Variants in PDXDC1 observed in about 807,000 individuals in gnomAD.
The protein encoded by PDXDC1 is pyridoxal dependent decarboxylase domain containing 1.
PDXDC1 carries 42 observed loss-of-function variants against 100.1 expected under a neutral mutation model. The observed-to-expected ratio is 0.42, with a 90% CI of 0.33 to 0.54. The LOEUF (loss-of-function observed/expected upper bound fraction) is 0.54. Ranked by LOEUF, PDXDC1 falls within the 20% of genes least tolerant of loss-of-function variation. The pLI is 0.10. For missense variants in PDXDC1, 636 were observed against 979.2 expected (o/e 0.65, Z 4.68); for synonymous variants, 260 against 371.7 (o/e 0.70, Z 3.46).
intron 8 of PDXDC1, among the ~76,000 whole-genome samples, chr16:15,011,636 T>TC (rs1247892350): frequency 2.6e-4 from 29 of 112,750 alleles, no homozygotes; most frequent in East Asian, 5.0e-4. Context: ...TTTTTCTTTT[T>TC]TTTTTTTTTT....
intron 16 of PDXDC1, chr16:15,056,036 GC>G: frequency 1.3e-6 from 1 of 741,278 alleles, no homozygotes; most frequent in Non-Finnish European, 1.7e-6. Context: ...GCCCCGGGCC[GC>G]CCGCCGCCCC....
At chr16:14,980,542 G>A (rs1449318767) in intron 1 of PDXDC1, among the ~76,000 whole-genome samples, 2 of 152,276 alleles carry the variant, frequency 1.3e-5, no homozygotes, top group African/African-American at 4.8e-5. Context: ...CTGGAGTGCA[G>A]TGGCACAGTC....
At chr16:15,009,063 G>A (rs1291196399) in intron 7 of PDXDC1, among the ~76,000 whole-genome samples, 3 of 152,288 alleles carry the variant, frequency 2.0e-5, no homozygotes, top group African/African-American at 7.2e-5. Flanking sequence ...AAGGAGTCTT[G>A]TAATTACTGT....
intron 16 of PDXDC1, chr16:15,076,799 G>A: frequency 3.2e-6 from 2 of 626,922 alleles, no homozygotes; most frequent in South Asian, 2.0e-5. Flanking sequence ...CAATTATGGT[G>A]CAAGCCTGTA....
intron 16 of PDXDC1, among the ~76,000 whole-genome samples, chr16:15,046,214 T>C (rs1000573907): frequency 2.6e-5 from 4 of 152,240 alleles, no homozygotes; most frequent in Non-Finnish European, 5.9e-5. Context: ...AGGGAGAATT[T>C]AGAATCGACC....
chr16:15,104,159 C>G (rs1424820592), intron 16 of PDXDC1, among the ~76,000 whole-genome samples: 1 of 66,680 alleles, frequency 1.5e-5, no homozygotes, highest in Non-Finnish European at 2.8e-5. Context: ...GGTGACAGAG[C>G]AAACTCCAGT....
rs148727340 is a variant in PDXDC1, at chr16:14,997,856, C to T, written c.95+30C>T. 4,507 of 1,569,564 alleles carry T rather than the reference C, an allele frequency of 2.9e-3. 41 individuals carry two copies. Among genetic ancestry groups the T allele is most frequent in the African/African-American group, 0.026 (1,906 of 72,668 alleles). On this transcript the variant is annotated intron_variant, in intron 2 of 22. Transcript: ENST00000396410. Reference sequence around the variant, plus strand: ...GTAGGACAGAGGTGACCCTGTTCAACGAGTTCAGCCTGCTGTGAAGCCAGT... The same window carrying T: ...GTAGGACAGAGGTGACCCTGTTCAATGAGTTCAGCCTGCTGTGAAGCCAGT...
intron 16 of PDXDC1, among the ~76,000 whole-genome samples, chr16:15,129,453 C>T (rs536493115): frequency 1.3e-5 from 2 of 152,112 alleles, no homozygotes; most frequent in Admixed American, 6.5e-5. Flanking sequence ...AAAAGAAAAA[C>T]GAAAACAAAA....
At chr16:15,021,456 C>T (rs2042202168) in intron 12 of PDXDC1, among the ~76,000 whole-genome samples, 2 of 152,258 alleles carry the variant, frequency 1.3e-5, no homozygotes, top group Middle Eastern at 6.3e-3. Flanking sequence ...AAAAGTGTCT[C>T]ACTGTGCTAT....
Position 14,975,159 on chromosome 16 carries a change from T to C in PDXDC1, c.-41T>C, listed in dbSNP as rs1383708312. The stretch of plus-strand genomic sequence containing the variant: ...AGCTGCGGGGCGCGGGAGGAGGAAG[T>C]AGAGCCCGGGACCGCCAGGCCACCA... On this transcript the variant is annotated 5_prime_UTR_variant, in exon 1 of 23. Coordinates refer to ENST00000396410, the MANE Select transcript of PDXDC1 (RefSeq NM_015027.4). 1.4e-6 allele frequency: 2 copies of C among 1,465,278 alleles called. No individual in the cohort carries two copies. The highest frequency in any genetic ancestry group is 2.8e-5 in the Admixed American group (1 of 35,150). 90.8% of individuals were successfully genotyped at this position (1,465,278 alleles called of 1,614,324 possible). A position where few individuals can be genotyped will look rare whatever the true frequency, so the allele number is the denominator to read the frequency against.
chr16:15,132,923 C>A (rs867113362), intron 16 of PDXDC1: 14 of 1,584,228 alleles, frequency 8.8e-6, no homozygotes, highest in Middle Eastern at 2.3e-4. Flanking sequence ...AGGAGACCGG[C>A]AGGAGGCCAG....
rs557425525 is a variant in PDXDC1 at position 15,035,354 on chromosome 16, G to T, written c.2003-95G>T. On this transcript the variant is annotated intron_variant, in intron 21 of 22. Transcript: ENST00000396410. ...CTGTGGCAGGCTCAGTGGCTGGAAG[G>T]AGGTTATTGGGGAGCAAGGCTGTGT... The T allele has an allele frequency of 3.7e-5, 22 of 596,988 alleles. No individual in the cohort carries two copies. The South Asian group carries it at 5.4e-4, about 15-fold the overall frequency. 37.0% of individuals were successfully genotyped at this position (596,988 alleles called of 1,614,324 possible). A position where few individuals can be genotyped will look rare whatever the true frequency, so the allele number is the denominator to read the frequency against.
chr16:15,100,995 G>A (rs1451502933), intron 16 of PDXDC1, among the ~76,000 whole-genome samples: 1 of 152,100 alleles, frequency 6.6e-6, no homozygotes, highest in Non-Finnish European at 1.5e-5. Flanking sequence ...TTAATTAATG[G>A]AAGAAAGAAA....
At chr16:15,049,577 C>T (rs750423325) in intron 16 of PDXDC1, among the ~76,000 whole-genome samples, 7 of 152,028 alleles carry the variant, frequency 4.6e-5, no homozygotes, top group South Asian at 2.1e-4. Flanking sequence ...TACAGGTGTG[C>T]GCCACCATGC....
At chr16:15,040,032 T>C (rs14347), downstream of PDXDC1, 1 of 1,610,160 alleles carries the variant, frequency 6.2e-7, no homozygotes, top group South Asian at 1.1e-5. Flanking sequence ...CTTGAAAGGA[T>C]GCTCTGTAAA....
At chr16:15,039,676 G>C (rs1277331883), downstream of PDXDC1, among the ~76,000 whole-genome samples, 1 of 152,162 alleles carries the variant, frequency 6.6e-6, no homozygotes, top group Non-Finnish European at 1.5e-5. Context: ...GAACTTTATA[G>C]AAAAGCTCTT....
intron 3 of PDXDC1, among the ~76,000 whole-genome samples, chr16:14,999,221 C>T (rs935128061): frequency 3.3e-5 from 5 of 152,284 alleles, no homozygotes; most frequent in African/African-American, 7.2e-5. Context: ...CACCCACCAC[C>T]ACGCCCAGCT....
chr16:15,016,963 G>A (rs1375574034), intron 9 of PDXDC1, among the ~76,000 whole-genome samples, 157 bp from the exon 10 acceptor site: 1 of 152,288 alleles, frequency 6.6e-6, no homozygotes, highest in Non-Finnish European at 1.5e-5. Context: ...TCCTTCATAT[G>A]TATAAAGCAC....
the PDXDC1 span, among the ~76,000 whole-genome samples, chr16:15,147,460 G>C: frequency 6.6e-6 from 1 of 152,210 alleles, no homozygotes; most frequent in South Asian, 2.1e-4. Context: ...GCTATGGAGA[G>C]ACAAGAACAC....
Sources: allele counts gnomAD v4.1 joint callset (sites outside exome capture counted in the v4.1 genomes callset), GRCh38; gene constraint gnomAD v4.1.1; transcripts MANE v1.5; gene names NCBI Gene and HGNC (gene_info 2026-07-23, HGNC 2026-07-21).